The following RABGAP1L variants were observed in gnomAD, a reference collection of about 807,000 sequenced individuals.
RABGAP1L encodes RAB GTPase activating protein 1 like.
Under a neutral mutation model 137.7 loss-of-function variants are expected in RABGAP1L, and 63 were observed. The ratio of observed to expected loss-of-function variants is 0.46; its 90% CI spans 0.37 to 0.56. RABGAP1L has a LOEUF of 0.56. Among genes scored for constraint, RABGAP1L ranks in the 20% least tolerant of loss-of-function variants. RABGAP1L has a pLI of 0.00. For synonymous variants in RABGAP1L, 431 were observed against 433.7 expected (o/e 0.99, Z 0.08); for missense variants, 1,095 against 1,244.0 (o/e 0.88, Z 1.80).
intron 19 of RABGAP1L, among the ~76,000 whole-genome samples, chr1:174,875,891 A>T (rs2149069699): frequency 6.6e-6 from 1 of 152,320 alleles, no homozygotes; most frequent in East Asian, 1.9e-4. Context: ...TGACTCCAAC[A>T]AGGGTCAAAC....
At chr1:174,629,451 A>G (rs939216316) in intron 13 of RABGAP1L, among the ~76,000 whole-genome samples, 1 of 152,202 alleles carries the variant, frequency 6.6e-6, no homozygotes, top group Non-Finnish European at 1.5e-5. Flanking sequence ...CCTTAGCCAA[A>G]TGAGAGCACT....
intron 19 of RABGAP1L, among the ~76,000 whole-genome samples, chr1:174,933,077 C>CAT (rs1558249091): frequency 6.6e-6 from 1 of 152,150 alleles, no homozygotes; most frequent in Non-Finnish European, 1.5e-5. Context: ...AACACACACA[C>CAT]ACTTACATAC....
intron 11 of RABGAP1L, among the ~76,000 whole-genome samples, chr1:174,329,536 A>T (rs1276623398): frequency 6.6e-6 from 1 of 152,216 alleles, no homozygotes; most frequent in East Asian, 1.9e-4. Flanking sequence ...CAAAAGAGAA[A>T]ACTACAGACT....
At position 174,384,527 on chromosome 1, in the gene RABGAP1L, G is replaced by GA. The variant is rs35902523; in HGVS notation, c.1560-9457dup. ...CTAAACCAAAAAAAAGGAAAAAAAG[G>GA]AAAAAAAAAAAGAAATTTATGTCTT... On this transcript the variant is annotated intron_variant, in intron 12 of 25. Transcript: ENST00000681986. Among the ~76,000 whole-genome samples the GA allele has an allele frequency of 2.2e-3, 323 of 149,774 alleles. 4 individuals are homozygous for GA. The highest frequency in any genetic ancestry group is 7.5e-3 in the African/African-American group (306 of 40,716).
At chr1:174,527,085 G>A (rs1663939162) in intron 13 of RABGAP1L, among the ~76,000 whole-genome samples, 1 of 151,888 alleles carries the variant, frequency 6.6e-6, no homozygotes, top group South Asian at 2.1e-4. Context: ...TATTGACCCA[G>A]TGTTTGTTCA....
chr1:174,766,907 C>T (rs1685711004), intron 18 of RABGAP1L, among the ~76,000 whole-genome samples: 1 of 152,192 alleles, frequency 6.6e-6, no homozygotes, highest in Non-Finnish European at 1.5e-5. Flanking sequence ...CTATTCTCTC[C>T]AAGCCTGCTA....
intron 18 of RABGAP1L, among the ~76,000 whole-genome samples, chr1:174,784,163 G>A (rs1265978345): frequency 6.6e-6 from 1 of 151,426 alleles, no homozygotes; most frequent in Non-Finnish European, 1.5e-5. Context: ...GGGACTACAG[G>A]CACCCGCCAT....
chr1:174,566,422 T>C (rs979571354), intron 13 of RABGAP1L, among the ~76,000 whole-genome samples: 1 of 152,176 alleles, frequency 6.6e-6, no homozygotes, highest in Admixed American at 6.6e-5. Flanking sequence ...CCTGCTCTGC[T>C]TTAGTCTCTG....
intron 14 of RABGAP1L, among the ~76,000 whole-genome samples, chr1:174,642,745 C>T (rs1285650261): frequency 7.3e-6 from 1 of 137,488 alleles, no homozygotes; most frequent in African/African-American, 2.8e-5. Context: ...CCCTCTCCCC[C>T]TCTCCCCTTC....
intron 13 of RABGAP1L, among the ~76,000 whole-genome samples, chr1:174,535,095 A>T (rs59262554): frequency 0.079 from 12,055 of 152,264 alleles, 664 homozygotes; most frequent in East Asian, 0.32. Context: ...TGACACCATA[A>T]GGTTAAGTAT....
At chr1:174,672,479 T>C (rs77714297) in intron 14 of RABGAP1L, among the ~76,000 whole-genome samples, 1 of 151,678 alleles carries the variant, frequency 6.6e-6, no homozygotes, top group Non-Finnish European at 1.5e-5. Context: ...TTTGGTCTGA[T>C]CTTTATTTTC....
chr1:174,616,220 G>T (rs980578052), intron 13 of RABGAP1L, among the ~76,000 whole-genome samples: 2 of 152,150 alleles, frequency 1.3e-5, no homozygotes, highest in African/African-American at 4.8e-5. Flanking sequence ...GCCATTTTGG[G>T]TGCCCCCCGT....
intron 19 of RABGAP1L, among the ~76,000 whole-genome samples, chr1:174,871,302 T>C (rs927383979): frequency 3.9e-5 from 6 of 152,020 alleles, no homozygotes; most frequent in Admixed American, 2.0e-4. Context: ...CCTAGATAAT[T>C]TTTATACTTT....
intron 13 of RABGAP1L, among the ~76,000 whole-genome samples, chr1:174,514,345 G>A (rs1187990213): frequency 6.6e-6 from 1 of 150,952 alleles, no homozygotes; most frequent in African/African-American, 2.4e-5. Context: ...TGGGATAGAA[G>A]CCAGACTTTA....
chr1:174,233,345 A>G (rs527728235), intron 4 of RABGAP1L, among the ~76,000 whole-genome samples: 2 of 151,102 alleles, frequency 1.3e-5, no homozygotes, highest in South Asian at 4.2e-4. Context: ...TACATGTGCC[A>G]TGCTGGTGCA....
chr1:174,586,413 A>T (rs373526432), intron 13 of RABGAP1L, among the ~76,000 whole-genome samples: 141 of 152,154 alleles, frequency 9.3e-4, no homozygotes, highest in African/African-American at 3.1e-3. Context: ...AGGGGAGAGC[A>T]TTAGGGAAAA....
At chr1:174,691,225 T>C (rs559282219) in intron 15 of RABGAP1L, among the ~76,000 whole-genome samples, 1 of 152,330 alleles carries the variant, frequency 6.6e-6, no homozygotes, top group East Asian at 1.9e-4. Context: ...AAACACATCA[T>C]GTGAAGCAGG....
chr1:174,598,997 T>TC, intron 13 of RABGAP1L, among the ~76,000 whole-genome samples: 1 of 149,986 alleles, frequency 6.7e-6, no homozygotes, highest in East Asian at 2.0e-4. Flanking sequence ...CTCCCTCCCT[T>TC]TCTCTCTCCT....
intron 13 of RABGAP1L, among the ~76,000 whole-genome samples, chr1:174,620,928 C>G (rs541451891): frequency 2.0e-5 from 3 of 151,824 alleles, no homozygotes; most frequent in African/African-American, 7.3e-5. Context: ...ATCAAATAGA[C>G]GCAATAAAAA....
Sources: gnomAD v4.1 joint callset for allele counts (sites outside exome capture counted in the v4.1 genomes callset) on GRCh38, gnomAD v4.1.1 for gene constraint, MANE v1.5 for transcripts, NCBI Gene and HGNC (gene_info 2026-07-23, HGNC 2026-07-21) for gene names.